Variants in FBLN2 observed in about 807,000 individuals in gnomAD.
The protein encoded by FBLN2 is fibulin 2.
FBLN2 carries 81 observed loss-of-function variants against 123.7 expected under a neutral mutation model. The observed-to-expected ratio is 0.65, with a 90% CI of 0.55 to 0.79. FBLN2 has a LOEUF of 0.79. Among genes scored for constraint, FBLN2 ranks in the 30% least tolerant of loss-of-function variants. The probability of loss-of-function intolerance (pLI) is 0.00; values close to 1 mark genes in which losing one functional copy is unlikely to be tolerated. For missense variants in FBLN2, 1,603 were observed against 1,681.3 expected (o/e 0.95, Z 0.81); for synonymous variants, 699 against 701.4 (o/e 1.00, Z 0.05).
At chr3:13,604,063 C>T (rs983686597) in intron 2 of FBLN2, among the ~76,000 whole-genome samples, 75 of 152,118 alleles carry the variant, frequency 4.9e-4, no homozygotes, top group Admixed American at 1.1e-3. Context: ...TCATATCCTT[C>T]GCCCACTTTT....
intron 2 of FBLN2, among the ~76,000 whole-genome samples, chr3:13,576,355 G>A (rs1259421580): frequency 2.6e-5 from 4 of 152,216 alleles, no homozygotes; most frequent in Non-Finnish European, 5.9e-5. Flanking sequence ...CCCAGTCTGT[G>A]AACCAAGTCC....
intron 1 of FBLN2, among the ~76,000 whole-genome samples, chr3:13,565,817 C>CT (rs1703731027): frequency 6.6e-6 from 1 of 152,182 alleles, no homozygotes; most frequent in Non-Finnish European, 1.5e-5. Context: ...ACAGACGTCT[C>CT]TGAGTCGCAC....
At chr3:13,589,031 A>G (rs573480130) in intron 2 of FBLN2, among the ~76,000 whole-genome samples, 1 of 152,338 alleles carries the variant, frequency 6.6e-6, no homozygotes, top group Admixed American at 6.5e-5. Context: ...ATAATAATGA[A>G]AGAGAGAATT....
rs192595249 is a variant in FBLN2 at position 13,586,357 on chromosome 3, G to C, written c.1306+14696G>C. On this transcript the variant is annotated intron_variant, in intron 2 of 17. Transcript: ENST00000404922. ...CCGCCACCACGCCAGGCTAATTTTT[G>C]TATTTTTAGTAGAGACGGGGTTACA... 1.9e-3 allele frequency among the ~76,000 whole-genome samples: 288 copies of C among 149,888 alleles called. 4 individuals carry two copies. The highest frequency in any genetic ancestry group is 6.7e-3 in the African/African-American group (274 of 40,634).
intron 16 of FBLN2, 72 bp from the exon 17 acceptor site, chr3:13,636,373 A>G: frequency 1.3e-6 from 2 of 1,576,320 alleles, no homozygotes; most frequent in Non-Finnish European, 1.7e-6. Flanking sequence ...CAGGCCTTTC[A>G]TGCAGGCTGG....
At chr3:13,601,015 C>A (rs936507480) in intron 2 of FBLN2, among the ~76,000 whole-genome samples, 9 of 152,166 alleles carry the variant, frequency 5.9e-5, no homozygotes, top group African/African-American at 2.2e-4. Flanking sequence ...CACCTGACTA[C>A]CGTGCATTTT....
At chr3:13,633,244 C>G (rs879352735) in intron 16 of FBLN2, among the ~76,000 whole-genome samples, 1 of 152,270 alleles carries the variant, frequency 6.6e-6, no homozygotes, top group Non-Finnish European at 1.5e-5. Flanking sequence ...TCTCTCCTGC[C>G]CGGGCTTGCC....
rs1341773542 is a variant in FBLN2 at position 13,628,873 on chromosome 3, G to A, written c.2570-32G>A. On this transcript the variant is annotated intron_variant, in intron 11 of 17. Coordinates refer to ENST00000404922, the MANE Select transcript of FBLN2 (RefSeq NM_001004019.2). ...CTGGGGCCTGGGAGGACACCATGCCGGGCTCCCTGTCACCTACACCTGCCT... is the reference window on the plus strand; with the variant it reads ...CTGGGGCCTGGGAGGACACCATGCCAGGCTCCCTGTCACCTACACCTGCCT... 20 of 1,603,274 alleles carry A rather than the reference G, an allele frequency of 1.2e-5. No homozygotes were observed. The Middle Eastern group carries it at 5.0e-4, about 40-fold the overall frequency.
intron 12 of FBLN2, 48 bp from the exon 13 acceptor site, chr3:13,629,116 G>T (rs1706158214): frequency 1.2e-6 from 2 of 1,612,698 alleles, no homozygotes; most frequent in Non-Finnish European, 1.7e-6. Flanking sequence ...TGGGAGGTGT[G>T]TGTGGAGGGA....
chr3:13,584,900 C>T (rs1357504436), intron 2 of FBLN2, among the ~76,000 whole-genome samples: 3 of 152,286 alleles, frequency 2.0e-5, no homozygotes, highest in Non-Finnish European at 4.4e-5. Flanking sequence ...GCCATGTTGG[C>T]GGTGGGAACT....
intron 5 of FBLN2, among the ~76,000 whole-genome samples, chr3:13,617,610 TCCA>T (rs2124892026): frequency 8.9e-6 from 1 of 112,888 alleles, no homozygotes; most frequent in African/African-American, 4.2e-5. Context: ...CATCCATCCA[TCCA>T]TCCATCCACC....
intron 2 of FBLN2, among the ~76,000 whole-genome samples, chr3:13,591,740 A>G (rs1482744351): frequency 3.3e-5 from 5 of 152,204 alleles, no homozygotes; most frequent in Admixed American, 2.6e-4. Context: ...TGTCCTGTTT[A>G]AGAAATTGAT....
At chr3:13,600,196 G>A (rs1018822839) in intron 2 of FBLN2, among the ~76,000 whole-genome samples, 1 of 152,066 alleles carries the variant, frequency 6.6e-6, no homozygotes, top group Non-Finnish European at 1.5e-5. Flanking sequence ...GGGGCCTCTG[G>A]ACATGAGATG....
intron 2 of FBLN2, among the ~76,000 whole-genome samples, chr3:13,591,356 C>T (rs777605288): frequency 1.1e-4 from 17 of 152,242 alleles, no homozygotes; most frequent in Non-Finnish European, 1.8e-4. Context: ...CTGATGAATT[C>T]ATTGCAAATG....
intron 2 of FBLN2, among the ~76,000 whole-genome samples, chr3:13,598,755 G>A (rs887306578): frequency 5.9e-5 from 9 of 152,122 alleles, no homozygotes; most frequent in African/African-American, 2.2e-4. Flanking sequence ...GCTGATTCTT[G>A]GCCCATGAGA....
In FBLN2 at chr3:13,608,062, G is replaced by T; in HGVS notation, c.1307G>T (p.Gly436Val). ...CTCTGCCTCATGTTGCTATCCACAGGCTCCACCAAGGACCTGATCGAGACT... is the reference window on the plus strand; with the variant it reads ...CTCTGCCTCATGTTGCTATCCACAGTCTCCACCAAGGACCTGATCGAGACT... Reference protein sequence around the residue: ...VHSIPRSSPEGSTKDLIETCC... With the variant: ...VHSIPRSSPEVSTKDLIETCC... Residue 436 changes from glycine to valine, a missense_variant and splice_region_variant, in exon 3 of 18, where the codon GGC (glycine) becomes GTC (valine). By Grantham distance (109) the Gly-to-Val change is moderately radical. Coordinates refer to ENST00000404922, the MANE Select transcript of FBLN2 (RefSeq NM_001004019.2). The T allele has an allele frequency of 6.4e-7, 1 of 1,573,880 alleles. No homozygotes were observed. Among genetic ancestry groups the T allele is most frequent in the Non-Finnish European group, 8.6e-7 (1 of 1,159,768 alleles).
In FBLN2 at chr3:13,577,352, G is replaced by C. The variant is rs558006269; in HGVS notation, c.1306+5691G>C. 4.1e-4 allele frequency among the ~76,000 whole-genome samples: 63 copies of C among 152,226 alleles called. 1 individual carries two copies. Among genetic ancestry groups the C allele is most frequent in the African/African-American group, 1.5e-3 (62 of 41,540 alleles). Reference sequence around the variant, plus strand: ...CACGCGTGCACCTGAAAGAGGGAGCGGCGAGTGCAAAGGCCCCAGGGCAGG... The same window carrying C: ...CACGCGTGCACCTGAAAGAGGGAGCCGCGAGTGCAAAGGCCCCAGGGCAGG... On this transcript the variant is annotated intron_variant, in intron 2 of 17. Coordinates refer to ENST00000404922, the MANE Select transcript of FBLN2 (RefSeq NM_001004019.2).
At chr3:13,626,354 C>G (rs1231986882) in intron 9 of FBLN2, 91 bp from the exon 10 acceptor site, 3 of 1,358,536 alleles carry the variant, frequency 2.2e-6, no homozygotes, top group Non-Finnish European at 3.0e-6. Flanking sequence ...GCCTGGAGCT[C>G]TCTCCCTCCT....
rs766027162 is a variant in FBLN2 at position 13,570,890 on chromosome 3, G to A, written c.535G>A (p.Gly179Arg). The change falls in exon 2 of 18, where the codon GGG (glycine) becomes AGG (arginine). Residue 179 changes from glycine (G) to arginine (R), a missense_variant. Transcript: ENST00000404922. ...LICYQLPGCH[G>R]NFSDAEEGDP... ...CTGCTACCAGCTCCCCGGTTGCCAC[G>A]GGAACTTCTCAGATGCCGAGGAGGG... 27 of 1,612,262 alleles carry A rather than the reference G, an allele frequency of 1.7e-5. No homozygotes were observed. The highest frequency in any genetic ancestry group is 8.4e-5 in the Admixed American group (5 of 59,830).
Sources: allele counts gnomAD v4.1 joint callset (sites outside exome capture counted in the v4.1 genomes callset), GRCh38; gene constraint gnomAD v4.1.1; transcripts MANE v1.5; gene names NCBI Gene and HGNC (gene_info 2026-07-23, HGNC 2026-07-21).